The following ASIC2 variants were observed in gnomAD, a reference collection of about 807,000 sequenced individuals.
The protein encoded by ASIC2 is acid sensing ion channel subunit 2, also known as acid-sensing ion channel 2.
Under a neutral mutation model 57.3 loss-of-function variants are expected in ASIC2, and 25 were observed. The observed-to-expected ratio is 0.44, with a 90% CI of 0.32 to 0.61. ASIC2 has a LOEUF of 0.61. Ranked by LOEUF, ASIC2 falls within the 20% of genes least tolerant of loss-of-function variation. ASIC2 has a pLI of 0.06. For missense variants in ASIC2, 641 were observed against 738.1 expected, an observed-to-expected ratio of 0.87 and a Z score of 1.52; for synonymous variants, 319 against 307.5, an observed-to-expected ratio of 1.04 and a Z score of -0.39.
intron 1 of ASIC2, among the ~76,000 whole-genome samples, chr17:33,484,500 T>G (rs975267008): frequency 2.6e-5 from 4 of 152,258 alleles, no homozygotes; most frequent in East Asian, 1.9e-4. Flanking sequence ...AAATGAATTT[T>G]AATATATTTT....
intron 3 of ASIC2, among the ~76,000 whole-genome samples, chr17:33,032,230 T>C (rs1347196131): frequency 6.6e-6 from 1 of 152,164 alleles, no homozygotes; most frequent in Non-Finnish European, 1.5e-5. Flanking sequence ...TGAATATTGT[T>C]TTAGTAGTTC....
chr17:33,660,014 G>A (rs967128712), intron 1 of ASIC2, among the ~76,000 whole-genome samples: 1 of 152,014 alleles, frequency 6.6e-6, no homozygotes, highest in African/African-American at 2.4e-5. Flanking sequence ...AACCCGGGAG[G>A]AGGAGGTTGC....
intron 3 of ASIC2, among the ~76,000 whole-genome samples, chr17:33,049,421 C>G (rs1212117383): frequency 6.6e-6 from 1 of 152,170 alleles, no homozygotes; most frequent in Non-Finnish European, 1.5e-5. Flanking sequence ...TTTCTATATC[C>G]TAACATGTCT....
chr17:33,031,799 A>G (rs2091884790), intron 3 of ASIC2, among the ~76,000 whole-genome samples: 1 of 152,192 alleles, frequency 6.6e-6, no homozygotes, highest in Non-Finnish European at 1.5e-5. Flanking sequence ...ATACATATTT[A>G]GGATTGCTAC....
At chr17:33,790,165 C>A (rs1371544468) in intron 1 of ASIC2, among the ~76,000 whole-genome samples, 2 of 152,148 alleles carry the variant, frequency 1.3e-5, no homozygotes, top group Admixed American at 1.3e-4. Context: ...TTTCAAATGG[C>A]ATTTTGCAAG....
Position 33,021,227 on chromosome 17 carries a change from G to A in ASIC2, c.1433C>T (p.Ala478Val), listed in dbSNP as rs1400296180. 2 of 1,607,132 alleles carry A rather than the reference G, an allele frequency of 1.2e-6. No homozygotes were observed. The highest frequency in any genetic ancestry group is 1.1e-5 in the South Asian group (1 of 90,848). The change falls in exon 7 of 10, where the codon GCC becomes GTC. Residue 478 changes from alanine to valine, a missense_variant. By Grantham distance (64) the Ala-to-Val change is moderately conservative. This residue lies in a region of ASIC2 where 252 missense variants were observed against 319.8 expected (regional missense o/e 0.79). Coordinates refer to ENST00000225823, the MANE Select transcript of ASIC2 (RefSeq NM_183377.2). ...IEQKKAYEVA[A>V]LLGDIGGQMG... ...AATAGACACTGACTTACCAAGTAAG[G>A]CAGCAACTTCATACGCCTTCTTCTG...
intron 1 of ASIC2, among the ~76,000 whole-genome samples, chr17:34,106,693 GA>G (rs1911070426): frequency 6.6e-6 from 1 of 152,014 alleles, no homozygotes; most frequent in African/African-American, 2.4e-5. Flanking sequence ...CAAATTTTTA[GA>G]AATTTGGTCA....
chr17:33,535,269 C>T (rs751317435), intron 1 of ASIC2, among the ~76,000 whole-genome samples: 4 of 150,592 alleles, frequency 2.7e-5, no homozygotes, highest in South Asian at 2.1e-4. Context: ...ATAAAAATGT[C>T]GCTTCTTTTT....
rs189847872 is a variant in ASIC2, at chr17:34,039,691, C to T, written c.555+116287G>A. The T allele has an allele frequency of 3.7e-6, 6 of 1,612,210 alleles. No individual in the cohort carries two copies. In the African/African-American group the frequency reaches 4.0e-5, roughly 11 times the overall value. Reference sequence around the variant, plus strand: ...TGGTTCAGCTTTTCTTTTCCGATTTCGCTGGTCATTCTGCTTTTTCTTGGG... The same window carrying T: ...TGGTTCAGCTTTTCTTTTCCGATTTTGCTGGTCATTCTGCTTTTTCTTGGG... On this transcript the variant is annotated intron_variant, in intron 1 of 9. Transcript: ENST00000359872.
rs909784935 is a variant in ASIC2, at chr17:33,459,076, G to A, written c.556-347009C>T. 4.6e-5 allele frequency among the ~76,000 whole-genome samples: 7 copies of A among 151,622 alleles called. No homozygotes were observed. The East Asian group carries it at 9.7e-4, about 21-fold the overall frequency. On this transcript the variant is annotated intron_variant, in intron 1 of 9. Transcript: ENST00000359872. ...CAATTCTGGTGACCGCATTACCTTC[G>A]TTTTTTTGTTTTTTGTGTTTTCTGT...
chr17:33,892,093 G>A (rs1250091973), intron 1 of ASIC2, among the ~76,000 whole-genome samples: 1 of 152,172 alleles, frequency 6.6e-6, no homozygotes, highest in African/African-American at 2.4e-5. Context: ...TGTTCTAGGT[G>A]CCAGGACTAC....
At chr17:33,527,656 C>T (rs917759680) in intron 1 of ASIC2, among the ~76,000 whole-genome samples, 8 of 152,294 alleles carry the variant, frequency 5.3e-5, no homozygotes, top group Non-Finnish European at 1.2e-4. Flanking sequence ...TTAAAGAGAA[C>T]CCCCTGACAC....
intron 1 of ASIC2, among the ~76,000 whole-genome samples, chr17:33,307,768 A>G (rs1183102698): frequency 6.6e-6 from 1 of 152,224 alleles, no homozygotes; most frequent in Non-Finnish European, 1.5e-5. Flanking sequence ...TAATTTCCTT[A>G]TTTGAAAAAT....
intron 1 of ASIC2, among the ~76,000 whole-genome samples, chr17:33,995,683 C>T (rs143214248): frequency 1.7e-3 from 254 of 152,076 alleles, no homozygotes; most frequent in African/African-American, 5.8e-3. Flanking sequence ...TATATACACA[C>T]ACACAAATGC....
chr17:33,519,810 A>G (rs547518021), intron 1 of ASIC2, among the ~76,000 whole-genome samples: 109 of 152,304 alleles, frequency 7.2e-4, no homozygotes, highest in African/African-American at 2.6e-3. Flanking sequence ...CAGGCCACCC[A>G]CGCAGGTTGC....
At chr17:33,866,084 T>G (rs188124210) in intron 1 of ASIC2, among the ~76,000 whole-genome samples, 1 of 152,310 alleles carries the variant, frequency 6.6e-6, no homozygotes, top group African/African-American at 2.4e-5. Context: ...GTAGTCATAG[T>G]TCATTTTTAT....
intron 1 of ASIC2, among the ~76,000 whole-genome samples, chr17:34,093,260 C>T (rs1331772889): frequency 6.6e-6 from 1 of 152,182 alleles, no homozygotes; most frequent in Non-Finnish European, 1.5e-5. Flanking sequence ...TTTCCCACAT[C>T]CTGCACCCAA....
intron 1 of ASIC2, among the ~76,000 whole-genome samples, chr17:33,806,041 A>G (rs1262195342): frequency 6.6e-6 from 1 of 152,092 alleles, no homozygotes; most frequent in Admixed American, 6.5e-5. Context: ...AGCCCTTCTC[A>G]CTCACTCATT....
At chr17:33,293,839 G>T (rs1905610275), upstream of ASIC2, among the ~76,000 whole-genome samples, 1 of 152,126 alleles carries the variant, frequency 6.6e-6, no homozygotes, top group Non-Finnish European at 1.5e-5. Context: ...CACTTAGTGA[G>T]TCCTGGGTTT....
Sources: gnomAD v4.1 joint callset for allele counts (sites outside exome capture counted in the v4.1 genomes callset) on GRCh38, gnomAD v4.1.1 for gene constraint, gnomAD v4.1.1 regional missense constraint, MANE v1.5 for transcripts, NCBI Gene and HGNC (gene_info 2026-07-23, HGNC 2026-07-21) for gene names.